VRK2: variants seen among roughly 807,000 people sequenced by gnomAD.
VRK2 encodes VRK serine/threonine kinase 2.
A neutral mutation model predicts 57.6 loss-of-function variants in VRK2; 60 were observed. The ratio of observed to expected loss-of-function variants is 1.04; its 90% CI spans 0.85 to 1.29. The LOEUF (loss-of-function observed/expected upper bound fraction) is 1.29. VRK2 is among the 50% of genes most tolerant of loss of function. VRK2 has a pLI of 0.00. For missense variants in VRK2, 705 were observed against 588.1 expected (o/e 1.20, Z -2.06); for synonymous variants, 231 against 199.2 (o/e 1.16, Z -1.35).
intron 1 of VRK2, among the ~76,000 whole-genome samples, chr2:57,933,876 T>A (rs145668923): frequency 2.0e-5 from 3 of 152,178 alleles, no homozygotes; most frequent in African/African-American, 7.2e-5. Flanking sequence ...TGGATTCTCT[T>A]TGTCTTTTGT....
At chr2:58,099,591 C>T (rs1358172432) in intron 7 of VRK2, among the ~76,000 whole-genome samples, 3 of 151,990 alleles carry the variant, frequency 2.0e-5, no homozygotes, top group South Asian at 2.1e-4. Context: ...GAGCTCCTTG[C>T]CCCATTATGC....
At chr2:58,047,344 C>T (rs1674973621) in intron 1 of VRK2, 1 of 863,406 alleles carries the variant, frequency 1.2e-6, no homozygotes, top group Admixed American at 6.2e-5. Context: ...TGCTCGGAAA[C>T]TCGTGTTGAG....
chr2:58,009,022 A>G lies in VRK2; in HGVS notation c.-438-16643A>G, dbSNP rs1305355343. Reference sequence around the variant, plus strand: ...GTGATTCCCTCTGCCAACCCCTTTAATAAGGGCAACTAATTCCATTCACAA... The same window carrying G: ...GTGATTCCCTCTGCCAACCCCTTTAGTAAGGGCAACTAATTCCATTCACAA... On this transcript the variant is annotated intron_variant, in intron 1 of 15. Coordinates refer to the VRK2 transcript ENST00000417641. 2.6e-5 allele frequency among the ~76,000 whole-genome samples: 4 copies of G among 152,172 alleles called. No individual in the cohort carries two copies. In the South Asian group the frequency reaches 8.3e-4, roughly 32 times the overall value.
At chr2:58,117,441 C>T (rs975898524) in intron 7 of VRK2, among the ~76,000 whole-genome samples, 15 of 151,940 alleles carry the variant, frequency 9.9e-5, no homozygotes, top group African/African-American at 3.1e-4. Context: ...GAATTGGGAC[C>T]TAGCTTGGCC....
intron 2 of VRK2, among the ~76,000 whole-genome samples, chr2:58,082,404 G>C (rs1331506382): frequency 6.6e-6 from 1 of 151,730 alleles, no homozygotes; most frequent in Non-Finnish European, 1.5e-5. Flanking sequence ...CTTGCTTTTA[G>C]ACAAGAGGCA....
At chr2:57,955,336 T>C (rs71418413) in intron 1 of VRK2, among the ~76,000 whole-genome samples, 1 of 147,374 alleles carries the variant, frequency 6.8e-6, no homozygotes, top group Admixed American at 6.6e-5. Context: ...TCTGTAAATA[T>C]ATGCAAACAC....
intron 1 of VRK2, among the ~76,000 whole-genome samples, chr2:57,964,893 A>C (rs927800591): frequency 1.3e-4 from 19 of 150,992 alleles, no homozygotes; most frequent in African/African-American, 4.4e-4. Flanking sequence ...AAAAAAAAAA[A>C]AAAAAAAAAA....
intron 12 of VRK2, among the ~76,000 whole-genome samples, chr2:58,152,978 TA>T (rs1683283901): frequency 6.6e-6 from 1 of 152,002 alleles, no homozygotes; most frequent in African/African-American, 2.4e-5. Context: ...AGATATTTTA[TA>T]ACATGTATGG....
chr2:58,044,051 G>A (rs546754074), upstream of VRK2, among the ~76,000 whole-genome samples: 3 of 152,164 alleles, frequency 2.0e-5, no homozygotes, highest in Non-Finnish European at 4.4e-5. Flanking sequence ...TTTAGATCTT[G>A]TATTTAGATT....
intron 4 of VRK2, among the ~76,000 whole-genome samples, chr2:58,085,284 C>T (rs757918692): frequency 6.6e-6 from 1 of 151,206 alleles, no homozygotes; most frequent in African/African-American, 2.4e-5. Context: ...TTGGATAGGA[C>T]GGCTATAAGG....
chr2:58,072,995 GCATCC>G (rs1240421807), intron 2 of VRK2, among the ~76,000 whole-genome samples: 1 of 151,974 alleles, frequency 6.6e-6, no homozygotes, highest in African/African-American at 2.4e-5. Flanking sequence ...TACTTCTGCT[GCATCC>G]CTACATTTTT....
chr2:58,048,586 T>G, intron 1 of VRK2: 1 of 1,439,276 alleles, frequency 6.9e-7, no homozygotes, highest in Non-Finnish European at 9.3e-7. Flanking sequence ...GGATGAAATT[T>G]GGTTAGTTTG....
rs370499341 is a variant in VRK2, at chr2:58,048,889, G to T, written c.58G>T (p.Val20Phe). The part of the protein sequence containing the change: ...KLPIPFPEGK[V>F]LDDMEGNQWV... ...TCCTATTCCATTTCCAGAAGGCAAGGTTCTGGATGATATGGAAGGCAATCA... is the reference window on the plus strand; with the variant it reads ...TCCTATTCCATTTCCAGAAGGCAAGTTTCTGGATGATATGGAAGGCAATCA... Residue 20 changes from valine (V) to phenylalanine (F), a missense_variant, in exon 2 of 13, where the codon GTT (valine) becomes TTT (phenylalanine). Coordinates refer to ENST00000340157, the MANE Select transcript of VRK2 (RefSeq NM_006296.7). The T allele has an allele frequency of 5.0e-6, 8 of 1,613,880 alleles. No homozygotes were observed. In the African/African-American group the frequency reaches 8.0e-5, roughly 16 times the overall value.
At position 58,139,695 on chromosome 2, in the gene VRK2, C is replaced by T. The variant is rs1458441605; in HGVS notation, c.886C>T (p.His296Tyr). The T allele has an allele frequency of 6.2e-6, 10 of 1,612,634 alleles. No homozygotes were observed. Among genetic ancestry groups the T allele is most frequent in the Non-Finnish European group, 8.5e-6 (10 of 1,179,194 alleles). The change falls in exon 11 of 13, where the codon CAT becomes TAT. Residue 296 changes from histidine to tyrosine, a missense_variant. His to Tyr is a moderately conservative substitution (Grantham distance 83, BLOSUM62 2). Transcript: ENST00000340157. Reference protein sequence around the residue: ...CEIAQFLVCAHSLAYDEKPNY... With the variant: ...CEIAQFLVCAYSLAYDEKPNY... ...AATAGCCCAATTTTTGGTATGTGCT[C>T]ATAGTTTAGCATATGATGAAAAGCC...
chr2:58,049,001 A>C (rs1426880905), intron 2 of VRK2, 34 bp downstream of exon 2: 1 of 1,603,506 alleles, frequency 6.2e-7, no homozygotes. Context: ...AATTATTCTT[A>C]TATCTGTGAC....
chr2:58,065,453 G>T (rs188194546), intron 2 of VRK2, among the ~76,000 whole-genome samples: 52 of 152,164 alleles, frequency 3.4e-4, no homozygotes, highest in Middle Eastern at 3.4e-3. Flanking sequence ...TGTTGTGTGT[G>T]TCAGCAGTTT....
chr2:58,052,933 G>C (rs932197968), intron 2 of VRK2, among the ~76,000 whole-genome samples: 1 of 152,252 alleles, frequency 6.6e-6, no homozygotes, highest in Admixed American at 6.5e-5. Flanking sequence ...TCTTTTGAAG[G>C]CTGATTATGT....
upstream of VRK2, chr2:57,907,623 T>C (rs980456929): frequency 6.6e-5 from 10 of 152,196 alleles, no homozygotes; most frequent in African/African-American, 2.4e-4. Context: ...TACAACCACT[T>C]CAAACATCCT....
intron 8 of VRK2, among the ~76,000 whole-genome samples, chr2:58,128,723 G>T (rs1014082637): frequency 2.6e-5 from 4 of 152,088 alleles, no homozygotes; most frequent in Non-Finnish European, 5.9e-5. Context: ...CTGTGATATT[G>T]ACCAAATTAT....
Sources: gnomAD v4.1 joint callset for allele counts (sites outside exome capture counted in the v4.1 genomes callset) on GRCh38, gnomAD v4.1.1 for gene constraint, MANE v1.5 for transcripts, NCBI Gene and HGNC (gene_info 2026-07-23, HGNC 2026-07-21) for gene names.